The following SPACA6 variants were observed in gnomAD, a reference collection of about 807,000 sequenced individuals.
SPACA6 encodes the protein sperm acrosome associated 6, also known as sperm acrosome membrane-associated protein 6.
For synonymous variants in SPACA6, 6 were observed against 1.5 expected (o/e 4.05, Z -2.21); for missense variants, 8 against 2.8 (o/e 2.88, Z -1.34).
chr19:51,701,529 C>T, intron 2 of SPACA6, 129 bp from the exon 3 acceptor site: 1 of 388,520 alleles, frequency 2.6e-6, no homozygotes, highest in Non-Finnish European at 4.6e-6. Flanking sequence ...AGGGCAGATA[C>T]CATGACAGTA....
rs1319753256 is a variant in SPACA6 at position 51,704,459 on chromosome 19, C to T, written c.920C>T (p.Ala307Val). The change falls in exon 8 of 9, where the codon GCG (alanine) becomes GTG (valine). Residue 307 changes from alanine (A) to valine (V), a missense_variant. Coordinates refer to ENST00000637797, the MANE Select transcript of SPACA6 (RefSeq NM_001316972.2). ...GCAGTCCTCGGGGCCCTCGCATCAG[C>T]GAGTGCGACAGTGTTGGCGTGGTGA... The part of the protein sequence containing the change: ...LLAVLGALAS[A>V]SATVLAWMFF... 5.0e-6 allele frequency: 2 copies of T among 401,084 alleles called. No homozygotes were observed. Among genetic ancestry groups the T allele is most frequent in the Non-Finnish European group, 4.4e-6 (1 of 226,242 alleles). The allele number at this position is 401,084 out of a possible 1,614,324, so 24.8% of individuals were successfully genotyped here. A position where few individuals can be genotyped will look rare whatever the true frequency, so the allele number is the denominator to read the frequency against.
chr19:51,693,234 C>A, upstream of SPACA6: 1 of 651,940 alleles, frequency 1.5e-6, no homozygotes, highest in Non-Finnish European at 3.0e-6. Flanking sequence ...CAGGGTCTAC[C>A]GGGCCACCGC....
upstream of SPACA6, among the ~76,000 whole-genome samples, chr19:51,684,614 A>T (rs370471438): frequency 1.9e-4 from 29 of 152,320 alleles, no homozygotes; most frequent in East Asian, 4.4e-3. Flanking sequence ...CTTTTAGTTC[A>T]GGGGTGTCCA....
intron 1 of SPACA6, chr19:51,694,002 GAGAGAGGAAGATGGAGACTC>G: frequency 3.1e-6 from 1 of 321,922 alleles, no homozygotes. Context: ...GAGACTCAGA[GAGAGAGGAAGATGGAGACTC>G]GGAAAGATGG....
downstream of SPACA6, among the ~76,000 whole-genome samples, chr19:51,707,039 C>G (rs2083519309): frequency 6.6e-6 from 1 of 152,170 alleles, no homozygotes; most frequent in Admixed American, 6.5e-5. Flanking sequence ...CATTCTTGTT[C>G]ACTGGTCTAT....
upstream of SPACA6, chr19:51,685,616 A>G (rs2083324791): frequency 6.6e-6 from 1 of 152,154 alleles, no homozygotes; most frequent in Admixed American, 6.5e-5. Context: ...GGCTTAAGCA[A>G]TCCTCCCACC....
At chr19:51,683,898 T>C in the SPACA6 span, among the ~76,000 whole-genome samples, 1 of 152,232 alleles carries the variant, frequency 6.6e-6, no homozygotes, top group Non-Finnish European at 1.5e-5. Flanking sequence ...TCTGTGCTCT[T>C]AATCACCTTG....
downstream of SPACA6, among the ~76,000 whole-genome samples, chr19:51,707,582 G>GC (rs1475967614): frequency 6.6e-6 from 1 of 152,038 alleles, no homozygotes; most frequent in Non-Finnish European, 1.5e-5. Context: ...TCTACCTCCT[G>GC]CCCCCATACC....
chr19:51,694,060 GGGGAGGATGGACACTC>G (rs1476054609), intron 1 of SPACA6: 4 of 246,500 alleles, frequency 1.6e-5, no homozygotes, highest in South Asian at 2.0e-4. Context: ...GAGTCAGAGA[GGGGAGGATGGACACTC>G]GGGAGGATGG....
intron 1 of SPACA6, 40 bp downstream of exon 1, chr19:51,693,780 G>T: frequency 2.5e-6 from 1 of 404,132 alleles, no homozygotes; most frequent in Non-Finnish European, 4.4e-6. Context: ...TCCTGGGGAA[G>T]GTGCAGAGGG....
At chr19:51,684,388 G>A (rs1274850758), upstream of SPACA6, among the ~76,000 whole-genome samples, 1 of 152,190 alleles carries the variant, frequency 6.6e-6, no homozygotes, top group Non-Finnish European at 1.5e-5. Context: ...AAGGTGAAGA[G>A]AAAGGCTATA....
upstream of SPACA6, chr19:51,692,676 C>T (rs756316305): frequency 3.8e-6 from 2 of 532,906 alleles, no homozygotes; most frequent in Non-Finnish European, 7.7e-6. This position sits in a 1 kb window ranked among gnomAD's most constrained non-coding sequence, Gnocchi z 5.6. Context: ...TCTGTGGGTC[C>T]GTGTCGGGGG....
chr19:51,697,079 G>A (rs1159698189), intron 2 of SPACA6, among the ~76,000 whole-genome samples: 2 of 152,158 alleles, frequency 1.3e-5, no homozygotes, highest in Admixed American at 6.5e-5. Context: ...TCCAAGGTAG[G>A]GCCCAGACAT....
chr19:51,701,390 C>G (rs1429212399), intron 2 of SPACA6, among the ~76,000 whole-genome samples: 3 of 152,146 alleles, frequency 2.0e-5, no homozygotes, highest in Non-Finnish European at 2.9e-5. Flanking sequence ...GGAGGACTTC[C>G]ATCCTGGAGA....
chr19:51,704,583 C>T (rs768904857), intron 8 of SPACA6, 103 bp downstream of exon 8: 1 of 399,858 alleles, frequency 2.5e-6, no homozygotes, highest in Non-Finnish European at 4.4e-6. Context: ...GGAGGTCAGG[C>T]TTTCAGTTCC....
chr19:51,693,098 AT>A (rs2083389872), upstream of SPACA6: 1 of 363,558 alleles, frequency 2.8e-6, no homozygotes, highest in Admixed American at 3.7e-5. Context: ...ACTCCCTCTT[AT>A]TCTGGCTTTC....
At position 51,704,310 on chromosome 19, in the gene SPACA6, C is replaced by T; in HGVS notation, c.771C>T (p.Ala257=). Residue 257 remains alanine (A), a synonymous_variant, in exon 8 of 9, where the codon GCC becomes GCT. Transcript: ENST00000637797. ...PPPRAETELQ[A]SFREVLRWAP... ...CGCGGGCGGAGACAGAGTTGCAGGC[C>T]TCGTTCCGGGAAGTGCTGCGCTGGG... The T allele has an allele frequency of 2.5e-6, 1 of 400,844 alleles. No individual in the cohort carries two copies. Among genetic ancestry groups the T allele is most frequent in the Non-Finnish European group, 4.4e-6 (1 of 226,088 alleles). The allele number at this position is 400,844 out of a possible 1,614,324, so 24.8% of individuals were successfully genotyped here. A position where few individuals can be genotyped will look rare whatever the true frequency, so the allele number is the denominator to read the frequency against.
Position 51,703,994 on chromosome 19 carries a change from C to A in SPACA6, c.574-36C>A. ...GGCTTGTAGGTTACTCAGTGGCAAG[C>A]CGGAGTTGAGGCGTTTAAACCCGCG... On this transcript the variant is annotated intron_variant, in intron 6 of 8. Coordinates refer to ENST00000637797, the MANE Select transcript of SPACA6 (RefSeq NM_001316972.2). This position sits in a 1 kb window ranked among gnomAD's most constrained non-coding sequence, Gnocchi z 4.2. The A allele has an allele frequency of 2.5e-6, 1 of 400,480 alleles. No homozygotes were observed. The highest frequency in any genetic ancestry group is 3.5e-4 in the Middle Eastern group (1 of 2,896). 24.8% of individuals were successfully genotyped at this position (400,480 alleles called of 1,614,324 possible). A position where few individuals can be genotyped will look rare whatever the true frequency, so the allele number is the denominator to read the frequency against.
chr19:51,704,238 C>T, intron 7 of SPACA6, 32 bp from the exon 8 acceptor site: 1 of 400,796 alleles, frequency 2.5e-6, no homozygotes, highest in Non-Finnish European at 4.4e-6. Flanking sequence ...AGGGGTGGGG[C>T]TCGTGCCTGG....
Sources: gnomAD v4.1 joint callset for allele counts (sites outside exome capture counted in the v4.1 genomes callset) on GRCh38, gnomAD v4.1.1 for gene constraint, Gnocchi (gnomAD v3.1) non-coding constraint, MANE v1.5 for transcripts, NCBI Gene and HGNC (gene_info 2026-07-23, HGNC 2026-07-21) for gene names.